Variants in ANKRA2 observed in about 807,000 individuals in gnomAD.
ANKRA2 encodes ankyrin repeat family A member 2, also known as ankyrin repeat family A protein 2.
Under a neutral mutation model 37.8 loss-of-function variants are expected in ANKRA2, and 33 were observed. The observed-to-expected ratio is 0.87, with a 90% CI of 0.66 to 1.17. The LOEUF is 1.17. ANKRA2 is among the 50% of genes most tolerant of loss of function. ANKRA2 has a pLI of 0.00. For missense variants in ANKRA2, 326 were observed against 373.7 expected (o/e 0.87, Z 1.05); for synonymous variants, 126 against 132.3 (o/e 0.95, Z 0.33).
In ANKRA2 at chr5:73,565,408, G is replaced by T. The variant is rs1006995780; in HGVS notation, c.-381C>A. The T allele has an allele frequency of 4.5e-6, 1 of 219,838 alleles. No individual in the cohort carries two copies. Among genetic ancestry groups the T allele is most frequent in the Admixed American group, 5.4e-5 (1 of 18,626 alleles). 13.6% of individuals were successfully genotyped at this position (219,838 alleles called of 1,614,324 possible). ...AGCTTCAGTACAGGCCTCCAAGCCC[G>T]GGCTTGTTTTGGCCGCGACGTCACT... On this transcript the variant is annotated 5_prime_UTR_variant, in exon 1 of 9. Coordinates refer to ENST00000296785, the MANE Select transcript of ANKRA2 (RefSeq NM_023039.5).
chr5:73,558,797 T>G (rs1163298443), intron 3 of ANKRA2, among the ~76,000 whole-genome samples: 1 of 152,162 alleles, frequency 6.6e-6, no homozygotes, highest in Non-Finnish European at 1.5e-5. Flanking sequence ...CCTCCCAAAG[T>G]GCTAGGATTA....
chr5:73,561,109 A>C, intron 3 of ANKRA2, 21 bp downstream of exon 3: 1 of 1,589,712 alleles, frequency 6.3e-7, no homozygotes, highest in African/African-American at 1.4e-5. Context: ...ATATAGTAAT[A>C]CATCAGTGGC....
chr5:73,561,225 G>A lies in ANKRA2; in HGVS notation c.353C>T (p.Ser118Phe), dbSNP rs553343150. The change falls in exon 3 of 9, where the codon TCT (serine) becomes TTT (phenylalanine). Residue 118 changes from serine to phenylalanine, a missense_variant. Physicochemically the swap from Ser to Phe is radical, Grantham distance 155 (BLOSUM62 -2). Transcript: ENST00000296785. ...TATGGGTGAGAAATGCTTTGTTGTAGAGGGGGTGTAGACATGCCTTACTTG... is the reference window on the plus strand; with the variant it reads ...TATGGGTGAGAAATGCTTTGTTGTAAAGGGGGTGTAGACATGCCTTACTTG... ...GIQVRHVYTP[S>F]TTKHFSPIKQ... 1 of 1,613,316 alleles carries A rather than the reference G, an allele frequency of 6.2e-7. No homozygotes were observed.
intron 4 of ANKRA2, among the ~76,000 whole-genome samples, chr5:73,557,082 TA>T (rs1425904832): frequency 9.1e-5 from 11 of 121,034 alleles, no homozygotes; most frequent in Non-Finnish European, 1.6e-4. Flanking sequence ...AGTTTAAACT[TA>T]AAACTTAAGG....
In ANKRA2 at chr5:73,552,193, G is replaced by C. The variant is rs1747272036; in HGVS notation, c.*604C>G. On this transcript the variant is annotated 3_prime_UTR_variant, in exon 9 of 9. Transcript: ENST00000296785. ...TACTTCTAGAAATGACAATGTCTTT[G>C]TTGATTGACTTAGATTCAGTTTATT... is the stretch of plus-strand genomic sequence containing the variant. The C allele has an allele frequency of 6.6e-6, 1 of 152,158 alleles. No homozygotes were observed. The highest frequency in any genetic ancestry group is 2.4e-5 in the African/African-American group (1 of 41,430). 9.4% of individuals were successfully genotyped at this position (152,158 alleles called of 1,614,324 possible).
Position 73,554,931 on chromosome 5 carries a change from C to T in ANKRA2, c.668G>A (p.Cys223Tyr), listed in dbSNP as rs201333280. ...GACAATATCTGTGTAGCCTTTACTA[C>T]AGGCCAACGACAGTGCACTTTCTCG... ...KGRESALSLA[C>Y]SKGYTDIVKM... Residue 223 changes from cysteine (C) to tyrosine (Y), a missense_variant, in exon 6 of 9, where the codon TGT becomes TAT. Cys to Tyr is a radical substitution (Grantham distance 194). Transcript: ENST00000296785. The T allele has an allele frequency of 1.2e-6, 2 of 1,613,840 alleles. No individual in the cohort carries two copies.
intron 3 of ANKRA2, 119 bp downstream of exon 3, chr5:73,561,011 G>T: frequency 9.5e-7 from 1 of 1,051,914 alleles, no homozygotes. Flanking sequence ...ATTCCATTGT[G>T]TAGTATAACA....
intron 5 of ANKRA2, chr5:73,555,250 C>T: frequency 8.1e-7 from 1 of 1,235,176 alleles, no homozygotes; most frequent in Non-Finnish European, 1.1e-6. Flanking sequence ...TCAAAGCTGA[C>T]AGTACTTCTG....
Position 73,565,375 on chromosome 5 carries a change from CTG to C in ANKRA2, c.-350_-349del. The C allele has an allele frequency of 1.3e-5, 2 of 159,152 alleles. No individual in the cohort carries two copies. Among genetic ancestry groups the C allele is most frequent in the South Asian group, 2.9e-4 (2 of 6,896 alleles). 9.9% of individuals were successfully genotyped at this position (159,152 alleles called of 1,614,324 possible). A position where few individuals can be genotyped will look rare whatever the true frequency, so the allele number is the denominator to read the frequency against. ...CAGACAGCGAGTCGGGCCTTCCCAT[CTG>C]AGGCCAGCTTCAGTACAGGCCTCCA... is the stretch of plus-strand genomic sequence containing the variant. On this transcript the variant is annotated 5_prime_UTR_variant, in exon 1 of 9. Transcript: ENST00000296785.
Position 73,565,373 on chromosome 5 carries a change from A to C in ANKRA2, c.-346T>G, listed in dbSNP as rs918544065. ...AGCAGACAGCGAGTCGGGCCTTCCCATCTGAGGCCAGCTTCAGTACAGGCC... is the reference window on the plus strand; with the variant it reads ...AGCAGACAGCGAGTCGGGCCTTCCCCTCTGAGGCCAGCTTCAGTACAGGCC... On this transcript the variant is annotated 5_prime_UTR_variant, in exon 1 of 9. The change abolishes an upstream ATG in the 5' untranslated region. Coordinates refer to ENST00000296785, the MANE Select transcript of ANKRA2 (RefSeq NM_023039.5). 6.4e-6 allele frequency: 1 copy of C among 156,680 alleles called. No homozygotes were observed. Among genetic ancestry groups the C allele is most frequent in the African/African-American group, 2.4e-5 (1 of 41,130 alleles). 9.7% of individuals were successfully genotyped at this position (156,680 alleles called of 1,614,324 possible).
intron 4 of ANKRA2, among the ~76,000 whole-genome samples, chr5:73,556,633 C>T (rs754484988): frequency 3.3e-5 from 5 of 152,014 alleles, no homozygotes; most frequent in Non-Finnish European, 7.4e-5. Context: ...AAATTTATGA[C>T]TTACAGATGT....
Position 73,561,226 on chromosome 5 carries a change from A to AG in ANKRA2, c.351dup (p.Ser118LeufsTer23). 1.2e-6 allele frequency: 2 copies of AG among 1,613,320 alleles called. No individual in the cohort carries two copies. The highest frequency in any genetic ancestry group is 1.7e-6 in the Non-Finnish European group (2 of 1,179,330). Reference sequence around the variant, plus strand: ...ATGGGTGAGAAATGCTTTGTTGTAGAGGGGGTGTAGACATGCCTTACTTGA... The same window carrying AG: ...ATGGGTGAGAAATGCTTTGTTGTAGAGGGGGGTGTAGACATGCCTTACTTGA... On this transcript the variant is annotated frameshift_variant, in exon 3 of 9. Transcript: ENST00000296785. LOFTEE classifies it high-confidence loss of function.
At chr5:73,553,806 GCT>G (rs1747318478) in intron 7 of ANKRA2, among the ~76,000 whole-genome samples, 1 of 148,526 alleles carries the variant, frequency 6.7e-6, no homozygotes. Context: ...ACAGAGCCTT[GCT>G]CTGTCACCCA....
At chr5:73,555,126 C>CATGG in intron 5 of ANKRA2, 140 bp from the exon 6 acceptor site, 1 of 1,440,784 alleles carries the variant, frequency 6.9e-7, no homozygotes, top group East Asian at 2.5e-5. Context: ...AACTTTTACT[C>CATGG]ATGGATGCTT....
At chr5:73,558,273 C>G (rs547282102) in intron 3 of ANKRA2, among the ~76,000 whole-genome samples, 1 of 152,190 alleles carries the variant, frequency 6.6e-6, no homozygotes, top group African/African-American at 2.4e-5. Flanking sequence ...GCCACCATGC[C>G]TCAGCCTTTT....
chr5:73,565,389 A>C lies in ANKRA2; in HGVS notation c.-362T>G, dbSNP rs1747705414. 2.3e-5 allele frequency: 4 copies of C among 176,066 alleles called. No individual in the cohort carries two copies. The South Asian group carries it at 3.9e-4, about 17-fold the overall frequency. The allele number at this position is 176,066 out of a possible 1,614,324, so 10.9% of individuals were successfully genotyped here. ...GGCCTTCCCATCTGAGGCCAGCTTC[A>C]GTACAGGCCTCCAAGCCCGGGCTTG... On this transcript the variant is annotated 5_prime_UTR_variant, in exon 1 of 9. Transcript: ENST00000296785.
intron 5 of ANKRA2, 62 bp downstream of exon 5, chr5:73,555,426 A>T: frequency 1.9e-6 from 3 of 1,593,564 alleles, no homozygotes; most frequent in Non-Finnish European, 1.7e-6. Flanking sequence ...ATATATAAAA[A>T]CTCTACTAAA....
chr5:73,564,665 T>C lies in ANKRA2; in HGVS notation c.-105+467A>G, dbSNP rs560989385. Among the ~76,000 whole-genome samples, 29 of 152,316 alleles carry C rather than the reference T, an allele frequency of 1.9e-4. 1 individual carries two copies. The highest frequency in any genetic ancestry group is 3.4e-3 in the Middle Eastern group (1 of 294). On this transcript the variant is annotated intron_variant, in intron 1 of 8. Coordinates refer to ENST00000296785, the MANE Select transcript of ANKRA2 (RefSeq NM_023039.5). The stretch of plus-strand genomic sequence containing the variant: ...CATCTATTATAAAAAGGTGTTGAAA[T>C]AGGCCTTTCTAATATTCTTTCCAGC...
At position 73,555,487 on chromosome 5, in the gene ANKRA2, C is replaced by T. The variant is rs1487203389; in HGVS notation, c.612+1G>A. On this transcript the variant is annotated splice_donor_variant, in intron 5 of 8. Coordinates refer to ENST00000296785, the MANE Select transcript of ANKRA2 (RefSeq NM_023039.5). LOFTEE classifies it high-confidence loss of function. ...TACATTTTCTGAGGCATTTTCCTTA[C>T]ATTCTGAAGTAGGAACTCTACCACA... is the stretch of plus-strand genomic sequence containing the variant. 6.2e-7 allele frequency: 1 copy of T among 1,612,754 alleles called. No individual in the cohort carries two copies. Among genetic ancestry groups the T allele is most frequent in the Non-Finnish European group, 8.5e-7 (1 of 1,178,966 alleles).
Sources: gnomAD v4.1 joint callset for allele counts (sites outside exome capture counted in the v4.1 genomes callset) on GRCh38, gnomAD v4.1.1 for gene constraint, MANE v1.5 for transcripts, NCBI Gene and HGNC (gene_info 2026-07-23, HGNC 2026-07-21) for gene names.